The following REV3L variants were observed in gnomAD, a reference collection of about 807,000 sequenced individuals.
REV3L encodes the protein DNA polymerase zeta catalytic subunit.
Under a neutral mutation model 299.4 loss-of-function variants are expected in REV3L, and 69 were observed. That is an observed-to-expected ratio of 0.23 (90% CI 0.19 to 0.28). REV3L has a LOEUF of 0.28. REV3L is among the 10% of genes least tolerant of loss of function. REV3L has a pLI of 1.00. For synonymous variants in REV3L, 1,238 were observed against 1,271.4 expected (o/e 0.97, Z 0.56); for missense variants, 3,128 against 3,693.8 (o/e 0.85, Z 3.97).
intron 25 of REV3L, among the ~76,000 whole-genome samples, chr6:111,327,664 A>AC (rs948235292): frequency 2.0e-5 from 3 of 152,002 alleles, no homozygotes; most frequent in Admixed American, 1.3e-4. Context: ...ATTAATATGA[A>AC]CCCCCAGGAC....
At chr6:111,416,149 G>C (rs1784746627) in intron 2 of REV3L, 134 bp downstream of exon 2, 1 of 543,196 alleles carries the variant, frequency 1.8e-6, no homozygotes, top group South Asian at 7.3e-5. Context: ...ATGTTAAAAA[G>C]TTACAGCAAG....
At chr6:111,446,104 G>A (rs1359928952) in intron 1 of REV3L, among the ~76,000 whole-genome samples, 6 of 152,124 alleles carry the variant, frequency 3.9e-5, no homozygotes, top group African/African-American at 1.4e-4. Context: ...GCCCTTTACT[G>A]TCAGATGGGC....
chr6:111,376,792 T>G, intron 12 of REV3L, 35 bp from the exon 13 acceptor site: 1 of 1,465,704 alleles, frequency 6.8e-7, no homozygotes, highest in Middle Eastern at 1.8e-4. Flanking sequence ...TTATTTCATT[T>G]TACTCTTTTA....
At chr6:111,394,288 C>T (rs1782242997) in intron 4 of REV3L, among the ~76,000 whole-genome samples, 1 of 152,184 alleles carries the variant, frequency 6.6e-6, no homozygotes, top group Admixed American at 6.5e-5. Flanking sequence ...TTCCTTGCAT[C>T]CTCACCAGCA....
chr6:111,394,949 C>G (rs1277777641), intron 4 of REV3L, among the ~76,000 whole-genome samples: 2 of 152,196 alleles, frequency 1.3e-5, no homozygotes, highest in African/African-American at 4.8e-5. Flanking sequence ...ACCTCAGCCT[C>G]CCAAACTGTT....
chr6:111,442,881 GTCTC>G (rs756923057), intron 1 of REV3L, among the ~76,000 whole-genome samples: 4 of 152,116 alleles, frequency 2.6e-5, no homozygotes, highest in Admixed American at 1.3e-4. Flanking sequence ...GTGCCATGGT[GTCTC>G]TCTCTCTGTG....
intron 13 of REV3L, among the ~76,000 whole-genome samples, chr6:111,370,199 C>G (rs1779666178): frequency 6.6e-6 from 1 of 152,100 alleles, no homozygotes; most frequent in South Asian, 2.1e-4. Flanking sequence ...GGACAAGTGT[C>G]AAAGTTGGAC....
intron 1 of REV3L, among the ~76,000 whole-genome samples, chr6:111,432,173 C>G (rs1473092838): frequency 6.6e-6 from 1 of 152,126 alleles, no homozygotes; most frequent in Admixed American, 6.5e-5. Flanking sequence ...CAACAGAAAA[C>G]AAGCAATGAA....
chr6:111,375,925 T>G lies in REV3L; in HGVS notation c.2430A>C (p.Arg810Ser). ...ATGTGACAGGAGATAGTTTCTGTGG[T>G]CTAGTAAGACAGTTAGAAAGAACAA... is the stretch of plus-strand genomic sequence containing the variant. ...PSVVLSNCLT[R>S]PQKLSPVTYK... Residue 810 changes from arginine (R) to serine (S), a missense_variant, in exon 13 of 32, where the codon AGA becomes AGC. Physicochemically the swap from Arg to Ser is moderately radical, Grantham distance 110 (BLOSUM62 -1). Around this residue, in one of 9 missense-constraint regions of REV3L, gnomAD observed 2,409 missense variants for 2,611.8 expected, o/e 0.92. Coordinates refer to ENST00000368802, the MANE Select transcript of REV3L (RefSeq NM_001372078.1). 2 of 1,614,018 alleles carry G rather than the reference T, an allele frequency of 1.2e-6. No individual in the cohort carries two copies. The highest frequency in any genetic ancestry group is 2.2e-5 in the South Asian group (2 of 91,064).
chr6:111,379,391 C>T (rs1780608293), intron 11 of REV3L, among the ~76,000 whole-genome samples: 1 of 152,122 alleles, frequency 6.6e-6, no homozygotes, highest in Non-Finnish European at 1.5e-5. Context: ...GTCTTTCAGG[C>T]TCATAGGCCT....
At chr6:111,347,836 G>A (rs1777178107) in intron 20 of REV3L, among the ~76,000 whole-genome samples, 1 of 151,998 alleles carries the variant, frequency 6.6e-6, no homozygotes, top group Admixed American at 6.6e-5. Flanking sequence ...AGGTCTTCCC[G>A]CCTGAGCCTC....
At chr6:111,448,142 T>C (rs964277062) in intron 1 of REV3L, among the ~76,000 whole-genome samples, 1 of 152,134 alleles carries the variant, frequency 6.6e-6, no homozygotes, top group African/African-American at 2.4e-5. Flanking sequence ...TGAATGGTCA[T>C]GTTGAGTTAA....
rs1212632880 is a variant in REV3L, at chr6:111,373,030, A to G, written c.5325T>C (p.Ser1775=). ...QQAEDCLSEK[S]RLNRSSVSKE... ...TGCTTACTGAACTCCTATTCAATCTAGATTTTTCACTTAGACAGTCTTCTG... is the reference window on the plus strand; with the variant it reads ...TGCTTACTGAACTCCTATTCAATCTGGATTTTTCACTTAGACAGTCTTCTG... Residue 1775 remains serine (S), a synonymous_variant, in exon 13 of 32, where the codon TCT becomes TCC. Transcript: ENST00000368802. 1 of 1,614,168 alleles carries G rather than the reference A, an allele frequency of 6.2e-7. No homozygotes were observed.
chr6:111,330,680 T>C (rs1205669463), intron 24 of REV3L, among the ~76,000 whole-genome samples: 1 of 152,174 alleles, frequency 6.6e-6, no homozygotes, highest in Middle Eastern at 3.2e-3. Context: ...GGTGTACATT[T>C]TGAAGCAGCC....
intron 1 of REV3L, among the ~76,000 whole-genome samples, chr6:111,428,392 C>A (rs1309619810): frequency 2.0e-5 from 3 of 151,886 alleles, no homozygotes; most frequent in Non-Finnish European, 4.4e-5. Flanking sequence ...AAACAGAAAT[C>A]GAAATTGAGA....
At chr6:111,325,059 CA>C (rs1774621926) in intron 25 of REV3L, among the ~76,000 whole-genome samples, 1 of 152,160 alleles carries the variant, frequency 6.6e-6, no homozygotes, top group Non-Finnish European at 1.5e-5. Flanking sequence ...GACGGGGTTT[CA>C]CCGCATTAGC....
chr6:111,435,015 G>A (rs1787385669), intron 1 of REV3L, among the ~76,000 whole-genome samples: 1 of 152,152 alleles, frequency 6.6e-6, no homozygotes. Context: ...GGTAAGCCTG[G>A]GCAACATGGT....
chr6:111,357,839 GA>G (rs1259516485), intron 17 of REV3L, among the ~76,000 whole-genome samples: 1 of 151,798 alleles, frequency 6.6e-6, no homozygotes, highest in Non-Finnish European at 1.5e-5. Context: ...ACTTCTGCAG[GA>G]AAAAAAAGAA....
rs1780107849 is a variant in REV3L, at chr6:111,374,543, C to T, written c.3812G>A (p.Gly1271Asp). The change falls in exon 13 of 32, where the codon GGC becomes GAC. Residue 1271 changes from glycine (G) to aspartate (D), a missense_variant. Gly to Asp is a moderately conservative substitution (Grantham distance 94). This residue lies in a region of REV3L where 2,409 missense variants were observed against 2,611.8 expected (regional missense o/e 0.92). Transcript: ENST00000368802. Reference protein sequence around the residue: ...LFKQKDMPLMGSAVDHPLSAS... With the variant: ...LFKQKDMPLMDSAVDHPLSAS... ...AGAAAGGGGATGATCTACAGCAGAGCCCATTAGTGGCATATCTTTCTGTTT... is the reference window on the plus strand; with the variant it reads ...AGAAAGGGGATGATCTACAGCAGAGTCCATTAGTGGCATATCTTTCTGTTT... 11 of 1,614,024 alleles carry T rather than the reference C, an allele frequency of 6.8e-6. No individual in the cohort carries two copies. Among genetic ancestry groups the T allele is most frequent in the Non-Finnish European group, 9.3e-6 (11 of 1,179,944 alleles).
Sources: allele counts gnomAD v4.1 joint callset (sites outside exome capture counted in the v4.1 genomes callset), GRCh38; gene constraint gnomAD v4.1.1; regional missense constraint gnomAD v4.1.1; transcripts MANE v1.5; gene names NCBI Gene and HGNC (gene_info 2026-07-23, HGNC 2026-07-21).